The following MAPK10 variants were observed in gnomAD, a reference collection of about 807,000 sequenced individuals.
MAPK10 encodes the protein mitogen-activated protein kinase 10.
Under a neutral mutation model 59.3 loss-of-function variants are expected in MAPK10, and 25 were observed. That is an observed-to-expected ratio of 0.42 (90% confidence interval 0.31 to 0.59). MAPK10 has a LOEUF of 0.59. Among genes scored for constraint, MAPK10 ranks in the 20% least tolerant of loss-of-function variants. MAPK10 has a pLI of 0.15. For missense variants in MAPK10, 351 were observed against 568.9 expected, an observed-to-expected ratio of 0.62 and a Z score of 3.90; for synonymous variants, 190 against 200.5, an observed-to-expected ratio of 0.95 and a Z score of 0.44.
At chr4:86,140,610 C>G (rs576432693) in intron 4 of MAPK10, among the ~76,000 whole-genome samples, 52 of 150,706 alleles carry the variant, frequency 3.5e-4, no homozygotes, top group Admixed American at 1.6e-3. Context: ...GTGCAGCACA[C>G]CAGCATGGCA....
At position 86,017,867 on chromosome 4, in the gene MAPK10, T is replaced by A. The variant is rs1253778559; in HGVS notation, c.1253-497A>T. ...CCTCCCGAGTAGCTGGGAGTACAGG[T>A]GCGCACCACCACACCCAGCTAATTT... On this transcript the variant is annotated intron_variant, in intron 13 of 13. Transcript: ENST00000641462. The surrounding 1 kb of genome is among the most constrained non-coding windows in gnomAD (Gnocchi z 4.4). Among the ~76,000 whole-genome samples the A allele has an allele frequency of 1.3e-5, 2 of 152,040 alleles. No individual in the cohort carries two copies. Among genetic ancestry groups the A allele is most frequent in the African/African-American group, 4.8e-5 (2 of 41,392 alleles).
At chr4:86,143,628 A>G (rs1431878211) in intron 4 of MAPK10, among the ~76,000 whole-genome samples, 1 of 152,214 alleles carries the variant, frequency 6.6e-6, no homozygotes, top group East Asian at 1.9e-4. Flanking sequence ...ACTTGGAAAG[A>G]GAGTGAGGAC....
chr4:86,018,985 G>A (rs1401781761), intron 13 of MAPK10, among the ~76,000 whole-genome samples: 2 of 152,172 alleles, frequency 1.3e-5, no homozygotes, highest in Non-Finnish European at 2.9e-5. Flanking sequence ...TGAGAAAAGT[G>A]TGATGAAAAT....
At chr4:86,383,598 T>G (rs1741053343) in intron 1 of MAPK10, among the ~76,000 whole-genome samples, 1 of 152,194 alleles carries the variant, frequency 6.6e-6, no homozygotes, top group Admixed American at 6.5e-5. Context: ...TATTGTACTT[T>G]TATATCACTT....
intron 5 of MAPK10, 44 bp from the exon 6 acceptor site, chr4:86,103,288 A>C: frequency 1.0e-6 from 1 of 970,994 alleles, no homozygotes; most frequent in East Asian, 2.4e-5. Flanking sequence ...AGAAAGAAAA[A>C]AGAGAGAGAA....
chr4:86,022,291 T>C (rs537812888), intron 13 of MAPK10, among the ~76,000 whole-genome samples: 1 of 152,350 alleles, frequency 6.6e-6, no homozygotes, highest in African/African-American at 2.4e-5. Context: ...GCCATCCTAG[T>C]GTGCATGAAA....
chr4:86,501,064 T>C (rs749923556), intron 1 of MAPK10, among the ~76,000 whole-genome samples: 4 of 149,440 alleles, frequency 2.7e-5, no homozygotes, highest in Non-Finnish European at 4.4e-5. Context: ...TTACACTTTC[T>C]TATGTGAATG....
chr4:86,351,425 ACAC>A lies in MAPK10; in HGVS notation c.-7+3102_-7+3104del, dbSNP rs773984253. Among the ~76,000 whole-genome samples the A allele has an allele frequency of 9.4e-3, 1,413 of 150,798 alleles. 5 individuals are homozygous for A. Among genetic ancestry groups the A allele is most frequent in the Non-Finnish European group, 0.015 (1,007 of 67,638 alleles). ...CACACACACACACACACACACACAC[ACAC>A]ATTTTATGACAAATATTGAATCTAC... On this transcript the variant is annotated intron_variant, in intron 2 of 13. Coordinates refer to ENST00000641462, the MANE Select transcript of MAPK10 (RefSeq NM_138982.4).
At chr4:86,250,578 C>A (rs2093360430) in intron 2 of MAPK10, among the ~76,000 whole-genome samples, 1 of 152,122 alleles carries the variant, frequency 6.6e-6, no homozygotes, top group Non-Finnish European at 1.5e-5. Flanking sequence ...CAACTTATCT[C>A]TGAAAATTTA....
At chr4:86,177,548 G>T (rs2075955051) in intron 3 of MAPK10, among the ~76,000 whole-genome samples, 1 of 151,992 alleles carries the variant, frequency 6.6e-6, no homozygotes, top group Admixed American at 6.6e-5. Context: ...TTAAAATCAA[G>T]AGAGCTGTTT....
chr4:86,089,083 T>C (rs1295074616), intron 9 of MAPK10: 3 of 686,040 alleles, frequency 4.4e-6, no homozygotes, highest in Non-Finnish European at 4.7e-6. Flanking sequence ...ATATTTGACA[T>C]TGAGTCTCAT....
At chr4:86,148,196 G>A (rs2065471830) in intron 4 of MAPK10, among the ~76,000 whole-genome samples, 1 of 152,126 alleles carries the variant, frequency 6.6e-6, no homozygotes, top group South Asian at 2.1e-4. Context: ...ATACAGATGA[G>A]AGGGCAATTA....
At chr4:86,145,022 A>G (rs1299571338) in intron 4 of MAPK10, among the ~76,000 whole-genome samples, 1 of 152,220 alleles carries the variant, frequency 6.6e-6, no homozygotes, top group Non-Finnish European at 1.5e-5. Flanking sequence ...AAAGATATCA[A>G]TGATAAAGCA....
intron 1 of MAPK10, among the ~76,000 whole-genome samples, chr4:86,524,028 C>A (rs955390272): frequency 5.3e-5 from 8 of 151,996 alleles, no homozygotes; most frequent in African/African-American, 9.7e-5. Flanking sequence ...CATTAGTTCC[C>A]AAGAGAGCTG....
At chr4:86,152,770 C>T (rs899384558) in intron 4 of MAPK10, 1 of 152,128 alleles carries the variant, frequency 6.6e-6, no homozygotes, top group African/African-American at 2.4e-5. Context: ...CACATACCTA[C>T]TATCTTTTTT....
At chr4:86,478,430 G>A (rs911331266) in intron 1 of MAPK10, among the ~76,000 whole-genome samples, 6 of 152,174 alleles carry the variant, frequency 3.9e-5, no homozygotes, top group African/African-American at 1.4e-4. Context: ...TAGCCCTCAA[G>A]TCTGTGTGCA....
chr4:86,228,075 A>G (rs1015833302), intron 2 of MAPK10, among the ~76,000 whole-genome samples: 1 of 152,212 alleles, frequency 6.6e-6, no homozygotes, highest in Non-Finnish European at 1.5e-5. Flanking sequence ...AAGGCAGGGT[A>G]GGTACACTAA....
intron 4 of MAPK10, among the ~76,000 whole-genome samples, chr4:86,115,190 G>C (rs2058114685): frequency 6.6e-6 from 1 of 152,212 alleles, no homozygotes; most frequent in South Asian, 2.1e-4. Context: ...GGGCCCATGA[G>C]GGGATCTTCT....
chr4:86,581,749 T>C (rs1343534564), intron 1 of MAPK10, among the ~76,000 whole-genome samples: 1 of 150,612 alleles, frequency 6.6e-6, no homozygotes, highest in Admixed American at 6.6e-5. Context: ...CTCTAAATTC[T>C]TTATACAACC....
Sources: gnomAD v4.1 joint callset for allele counts (sites outside exome capture counted in the v4.1 genomes callset) on GRCh38, gnomAD v4.1.1 for gene constraint, Gnocchi (gnomAD v3.1) non-coding constraint, MANE v1.5 for transcripts, NCBI Gene and HGNC (gene_info 2026-07-23, HGNC 2026-07-21) for gene names.